Variants in ITGAM observed in about 807,000 individuals in gnomAD.
ITGAM encodes integrin subunit alpha M.
A neutral mutation model predicts 137.5 loss-of-function variants in ITGAM; 79 were observed. That is an observed-to-expected ratio of 0.57 (90% CI 0.48 to 0.69). The LOEUF (loss-of-function observed/expected upper bound fraction) is 0.69. Among genes scored for constraint, ITGAM ranks in the 30% least tolerant of loss-of-function variants. ITGAM has a pLI of 0.00. For missense variants in ITGAM, 1,343 were observed against 1,483.5 expected, an observed-to-expected ratio of 0.91 and a Z score of 1.56; for synonymous variants, 583 against 592.3, an observed-to-expected ratio of 0.98 and a Z score of 0.23.
chr16:31,302,372 T>C (rs1391370130), intron 14 of ITGAM, among the ~76,000 whole-genome samples: 1 of 149,894 alleles, frequency 6.7e-6, no homozygotes, highest in East Asian at 1.9e-4. Flanking sequence ...CAATCTTTTT[T>C]TCTTTCTTTT....
chr16:31,321,609 C>A lies in ITGAM; in HGVS notation c.1984C>A (p.Arg662=), dbSNP rs200956800. 1 of 1,612,374 alleles carries A rather than the reference C, an allele frequency of 6.2e-7. No individual in the cohort carries two copies. The highest frequency in any genetic ancestry group is 8.5e-7 in the Non-Finnish European group (1 of 1,179,108). ...CTGCCTCCATGTCCAGAAGAGCACA[C>A]GGGATCGGCTAAGAGAAGGTGAGGC... The part of the protein sequence containing the change: ...RVCLHVQKST[R]DRLREGQIQS... The change falls in exon 16 of 30, where the codon CGG becomes AGG. Residue 662 remains arginine, a synonymous_variant. Transcript: ENST00000544665.
At chr16:31,268,495 C>A (rs1321543700) in intron 5 of ITGAM, among the ~76,000 whole-genome samples, 1 of 152,132 alleles carries the variant, frequency 6.6e-6, no homozygotes, top group Non-Finnish European at 1.5e-5. Flanking sequence ...GACCCCATCT[C>A]TACAAAAAAT....
chr16:31,294,622 G>A (rs1234795805), intron 12 of ITGAM, among the ~76,000 whole-genome samples: 1 of 152,130 alleles, frequency 6.6e-6, no homozygotes, highest in African/African-American at 2.4e-5. Context: ...TGTGCTGCTG[G>A]ATTTGGTTTG....
chr16:31,330,023 C>CGA, intron 25 of ITGAM, 58 bp from the exon 26 acceptor site: 1 of 1,566,082 alleles, frequency 6.4e-7, no homozygotes, highest in South Asian at 1.1e-5. Context: ...TCTCACCTCC[C>CGA]GAGATGAGGC....
intron 14 of ITGAM, among the ~76,000 whole-genome samples, chr16:31,320,748 CT>C (rs1346744833): frequency 2.6e-5 from 4 of 152,172 alleles, no homozygotes; most frequent in African/African-American, 9.7e-5. Flanking sequence ...CCATTCACGC[CT>C]CATGTTTATG....
intron 14 of ITGAM, among the ~76,000 whole-genome samples, chr16:31,312,783 G>T (rs1052542705): frequency 2.0e-5 from 3 of 151,362 alleles, no homozygotes; most frequent in Non-Finnish European, 4.4e-5. Flanking sequence ...ATCTTGATCT[G>T]CTCAGTAATG....
rs755777607 is a variant in ITGAM at position 31,277,991 on chromosome 16, G to A, written c.1238G>A (p.Arg413Gln). 15 of 1,601,462 alleles carry A rather than the reference G, an allele frequency of 9.4e-6. No homozygotes were observed. Among genetic ancestry groups the A allele is most frequent in the African/African-American group, 5.4e-5 (4 of 74,652 alleles). ...GGTTATGCTGCCGCCATCATCTTAC[G>A]GAACCGGGTGCAAAGCCTGGTTCTG... The part of the protein sequence containing the change: ...YLGYAAAIIL[R>Q]NRVQSLVLGA... The change falls in exon 12 of 30, where the codon CGG (arginine) becomes CAG (glutamine). Residue 413 changes from arginine (R) to glutamine (Q), a missense_variant. Arg to Gln is a conservative substitution (Grantham distance 43, BLOSUM62 1). Coordinates refer to ENST00000544665, the MANE Select transcript of ITGAM (RefSeq NM_000632.4).
intron 14 of ITGAM, among the ~76,000 whole-genome samples, chr16:31,302,942 T>TCCC: frequency 9.6e-6 from 1 of 104,646 alleles, no homozygotes; most frequent in African/African-American, 3.6e-5. Context: ...CTTTCTTTCT[T>TCCC]TCTTTCTTTC....
intron 14 of ITGAM, among the ~76,000 whole-genome samples, chr16:31,312,609 T>A (rs574941165): frequency 1.3e-5 from 2 of 152,036 alleles, no homozygotes; most frequent in African/African-American, 4.8e-5. Context: ...AAATTTCTTT[T>A]GCAGTGACAG....
chr16:31,321,104 G>A, intron 14 of ITGAM, 137 bp from the exon 15 acceptor site: 2 of 892,048 alleles, frequency 2.2e-6, no homozygotes, highest in Middle Eastern at 7.3e-4. Flanking sequence ...AGCTGTCCTA[G>A]TTCCTTGGTT....
At chr16:31,262,639 A>C (rs1426285613) in intron 2 of ITGAM, among the ~76,000 whole-genome samples, 1 of 152,004 alleles carries the variant, frequency 6.6e-6, no homozygotes, top group Non-Finnish European at 1.5e-5. Context: ...TCCTGGCCTC[A>C]AGTCATCCTC....
rs184282943 is a variant in ITGAM at position 31,271,877 on chromosome 16, C to T, written c.589C>T (p.Arg197Trp). ...FSLMQYSEEFRIHFTFKEFQN... is the reference protein window; with the variant it reads ...FSLMQYSEEFWIHFTFKEFQN... Reference sequence around the variant, plus strand: ...TTTGATGCAGTACTCTGAAGAATTCCGGATTCACTTTACCTTCAAAGAGTT... The same window carrying T: ...TTTGATGCAGTACTCTGAAGAATTCTGGATTCACTTTACCTTCAAAGAGTT... Residue 197 changes from arginine (R) to tryptophan (W), a missense_variant, in exon 7 of 30, where the codon CGG (arginine) becomes TGG (tryptophan). Transcript: ENST00000544665. The T allele has an allele frequency of 2.3e-4, 369 of 1,614,000 alleles. 1 individual carries two copies. Among genetic ancestry groups the T allele is most frequent in the Non-Finnish European group, 7.5e-5 (88 of 1,179,898 alleles).
At chr16:31,263,992 C>T (rs1009529747) in intron 2 of ITGAM, among the ~76,000 whole-genome samples, 4 of 151,750 alleles carry the variant, frequency 2.6e-5, no homozygotes, top group East Asian at 2.0e-4. Context: ...CGTGCCACCA[C>T]GCCTGGCTAA....
chr16:31,261,668 A>T, intron 1 of ITGAM, 24 bp from the exon 2 acceptor site: 1 of 1,516,100 alleles, frequency 6.6e-7, no homozygotes, highest in Non-Finnish European at 9.1e-7. Context: ...CCTCTGCTTG[A>T]TCCTTCCCCC....
chr16:31,315,374 C>T (rs968637310), intron 14 of ITGAM, among the ~76,000 whole-genome samples: 37 of 152,228 alleles, frequency 2.4e-4, no homozygotes, highest in African/African-American at 7.7e-4. Flanking sequence ...TGTCATGAAG[C>T]TTTCCCTCTA....
chr16:31,280,484 A>G (rs941048687), intron 12 of ITGAM, among the ~76,000 whole-genome samples: 2 of 152,068 alleles, frequency 1.3e-5, no homozygotes, highest in African/African-American at 4.8e-5. Flanking sequence ...TAGGTATTTT[A>G]TTCTCTTTGA....
intron 29 of ITGAM, 170 bp from the exon 30 acceptor site, chr16:31,331,466 C>CTTT: frequency 1.7e-6 from 1 of 582,560 alleles, no homozygotes; most frequent in Non-Finnish European, 3.0e-6. Flanking sequence ...GAGTCGCCCT[C>CTTT]CTTGTAGTTT....
At chr16:31,299,572 G>A (rs994031595) in intron 14 of ITGAM, among the ~76,000 whole-genome samples, 1 of 152,146 alleles carries the variant, frequency 6.6e-6, no homozygotes, top group Non-Finnish European at 1.5e-5. Context: ...GCCTCCCAAA[G>A]TGCTGGGATT....
chr16:31,265,490 G>T lies in ITGAM; in HGVS notation c.230G>T (p.Arg77Leu). ...DYSTGSCEPI[R>L]LQVPVEAVNM... ...AGCACAGGCTCATGCGAGCCCATCC[G>T]CCTGCAGGGTGAGTCACTGCCCCGC... is the stretch of plus-strand genomic sequence containing the variant. Residue 77 changes from arginine to leucine, a missense_variant, in exon 3 of 30, where the codon CGC becomes CTC. Physicochemically the swap from Arg to Leu is moderately radical, Grantham distance 102. Transcript: ENST00000544665. The T allele has an allele frequency of 6.3e-7, 1 of 1,593,938 alleles. No individual in the cohort carries two copies. The highest frequency in any genetic ancestry group is 8.5e-7 in the Non-Finnish European group (1 of 1,169,812).
Sources: allele counts gnomAD v4.1 joint callset (sites outside exome capture counted in the v4.1 genomes callset), GRCh38; gene constraint gnomAD v4.1.1; transcripts MANE v1.5; gene names NCBI Gene and HGNC (gene_info 2026-07-23, HGNC 2026-07-21).